CLSTN3: variants seen among roughly 807,000 people sequenced by gnomAD.
CLSTN3 encodes the protein calsyntenin-3.
CLSTN3 carries 36 observed loss-of-function variants against 95.9 expected under a neutral mutation model. The observed-to-expected ratio is 0.38, with a 90% CI of 0.29 to 0.50. CLSTN3 has a LOEUF of 0.50. Among genes scored for constraint, CLSTN3 ranks in the 20% least tolerant of loss-of-function variants. The pLI is 0.95. For missense variants in CLSTN3, 1,084 were observed against 1,268.8 expected (o/e 0.85, Z 2.21); for synonymous variants, 481 against 504.0 (o/e 0.95, Z 0.61).
chr12:7,151,015 C>T lies in CLSTN3; in HGVS notation c.2479C>T (p.Pro827Ser). Residue 827 changes from proline to serine, a missense_variant, in exon 16 of 18, where the codon CCG (proline) becomes TCG (serine). Transcript: ENST00000266546. ...GTTCCTGCACCGTGGTCACCAGCCC[C>T]CGCCTGAGATGGCTGGACACAGCCT... ...QQFLHRGHQP[P>S]PEMAGHSLAS... The T allele has an allele frequency of 4.3e-6, 7 of 1,612,544 alleles. No individual in the cohort carries two copies. The highest frequency in any genetic ancestry group is 5.1e-6 in the Non-Finnish European group (6 of 1,179,136).
In CLSTN3 at chr12:7,157,474, G is replaced by T; in HGVS notation, c.2528-15G>T. 6.4e-7 allele frequency: 1 copy of T among 1,552,768 alleles called. No homozygotes were observed. The highest frequency in any genetic ancestry group is 8.7e-7 in the Non-Finnish European group (1 of 1,147,560). ...GCCTAGTCACGCTCTGCTCACCCCC[G>T]CGCTCTCTCTGCAGTGATACCCAGC... is the stretch of plus-strand genomic sequence containing the variant. On this transcript the variant is annotated splice_polypyrimidine_tract_variant and intron_variant, in intron 16 of 17. Coordinates refer to ENST00000266546, the MANE Select transcript of CLSTN3 (RefSeq NM_014718.4). The surrounding 1 kb of genome is among the most constrained non-coding windows in gnomAD (Gnocchi z 5.9).
In CLSTN3 at chr12:7,157,586, C is replaced by T. The variant is rs373053714; in HGVS notation, c.2625C>T (p.Arg875=). The change falls in exon 17 of 18, where the codon CGC becomes CGT. Residue 875 remains arginine (R), a synonymous_variant. Coordinates refer to ENST00000266546, the MANE Select transcript of CLSTN3 (RefSeq NM_014718.4). The surrounding 1 kb of genome is among the most constrained non-coding windows in gnomAD (Gnocchi z 5.9). ...TGGTGCGCATCCATTCCCTTCACCGCCGCGTCTCAGGGGCCGGCGGGCCTC... is the reference window on the plus strand; with the variant it reads ...TGGTGCGCATCCATTCCCTTCACCGTCGCGTCTCAGGGGCCGGCGGGCCTC... ...LGLVRIHSLH[R]RVSGAGGPPG... 9.9e-5 allele frequency: 159 copies of T among 1,613,660 alleles called. No homozygotes were observed. The Middle Eastern group carries it at 3.0e-3, about 30-fold the overall frequency.
chr12:7,142,076 T>C lies in CLSTN3; in HGVS notation c.1487-10T>C, dbSNP rs751161448. The C allele has an allele frequency of 1.5e-5, 23 of 1,566,294 alleles. No homozygotes were observed. The highest frequency in any genetic ancestry group is 1.9e-5 in the Non-Finnish European group (22 of 1,154,700). ...CACCAGCACTGTTTTTTTTTTTTTT[T>C]TATCCCCAGAGGAGAAGAACAAAGA... On this transcript the variant is annotated splice_polypyrimidine_tract_variant and intron_variant, in intron 9 of 17. Transcript: ENST00000266546.
At chr12:7,148,177 AAAG>A (rs943981949) in intron 12 of CLSTN3, among the ~76,000 whole-genome samples, 2 of 113,760 alleles carry the variant, frequency 1.8e-5, no homozygotes. Context: ...AGAAAGAAAG[AAAG>A]AAAGAAAGAA....
At chr12:7,132,674 G>A in intron 1 of CLSTN3, 1 of 561,524 alleles carries the variant, frequency 1.8e-6, no homozygotes, top group Middle Eastern at 4.8e-4. Context: ...GCTCCCTGAA[G>A]TTCCCTGTCT....
chr12:7,142,255 G>C (rs911990683), intron 10 of CLSTN3, 116 bp downstream of exon 10: 17 of 824,062 alleles, frequency 2.1e-5, no homozygotes, highest in Non-Finnish European at 3.3e-5. Flanking sequence ...GGCCACCAGG[G>C]GGCAGAGCCT....
Position 7,130,655 on chromosome 12 carries a change from C to A in CLSTN3, c.7C>A (p.Leu3Ile). Residue 3 changes from leucine to isoleucine, a missense_variant, in exon 1 of 18, where the codon CTC (leucine) becomes ATC (isoleucine). Transcript: ENST00000266546. MTLLLLPLLLASL... is the reference protein window; with the variant it reads MTILLLPLLLASL... The stretch of plus-strand genomic sequence containing the variant: ...CCCTGCCCCACGCCGCACCATGACC[C>A]TCCTGCTGCTGCCCCTTCTGCTGGC... 1 of 1,570,560 alleles carries A rather than the reference C, an allele frequency of 6.4e-7. No homozygotes were observed. The highest frequency in any genetic ancestry group is 2.3e-5 in the East Asian group (1 of 43,132).
Position 7,137,031 on chromosome 12 carries a change from C to G in CLSTN3, c.1131C>G (p.Ser377=). 2 of 1,614,204 alleles carry G rather than the reference C, an allele frequency of 1.2e-6. No individual in the cohort carries two copies. Among genetic ancestry groups the G allele is most frequent in the Non-Finnish European group, 1.7e-6 (2 of 1,180,022 alleles). The change falls in exon 7 of 18, where the codon TCC becomes TCG. Residue 377 remains serine, a synonymous_variant. Transcript: ENST00000266546. The surrounding 1 kb of genome is among the most constrained non-coding windows in gnomAD (Gnocchi z 4.4). ...GCCTCAGTGACCACTTCACCCTGTC[C>G]TTCTGGATGAAGCATGGCGTAACTC... ...QDSLSDHFTL[S]FWMKHGVTPN...
chr12:7,142,766 C>A, intron 10 of CLSTN3, 103 bp from the exon 11 acceptor site: 15 of 519,964 alleles, frequency 2.9e-5, no homozygotes, highest in East Asian at 7.9e-5. Flanking sequence ...TTTTCTTTCT[C>A]AACTCTTCTG....
chr12:7,139,652 TATTA>T (rs1939492802), intron 8 of CLSTN3, among the ~76,000 whole-genome samples: 2 of 68,586 alleles, frequency 2.9e-5, no homozygotes, highest in East Asian at 2.7e-4. Flanking sequence ...TTATTATTAT[TATTA>T]TTTTTTTTTT....
intron 1 of CLSTN3, 65 bp downstream of exon 1, chr12:7,130,777 T>A: frequency 8.8e-7 from 1 of 1,140,158 alleles, no homozygotes; most frequent in African/African-American, 1.6e-5. Flanking sequence ...GGGGTGGGGG[T>A]GGGAAGGAGG....
At position 7,149,704 on chromosome 12, in the gene CLSTN3, C is replaced by T. The variant is rs770768584; in HGVS notation, c.2245+11C>T. The T allele has an allele frequency of 6.2e-7, 1 of 1,609,462 alleles. No homozygotes were observed. On this transcript the variant is annotated intron_variant, in intron 14 of 17. Coordinates refer to ENST00000266546, the MANE Select transcript of CLSTN3 (RefSeq NM_014718.4). This position sits in a 1 kb window ranked among gnomAD's most constrained non-coding sequence, Gnocchi z 4.5. Reference sequence around the variant, plus strand: ...ACCTCACTATTGCTGGTCAGTGGGGCCTGAGGGCCTGTCCTCTGTGTGTGT... The same window carrying T: ...ACCTCACTATTGCTGGTCAGTGGGGTCTGAGGGCCTGTCCTCTGTGTGTGT...
intron 16 of CLSTN3, among the ~76,000 whole-genome samples, chr12:7,154,225 G>A (rs1461678371): frequency 2.0e-5 from 3 of 152,186 alleles, no homozygotes; most frequent in Admixed American, 2.0e-4. Flanking sequence ...CTCGAGTGGT[G>A]TTGCAGAACT....
intron 16 of CLSTN3, chr12:7,155,900 G>T (rs776122082): frequency 2.4e-4 from 62 of 254,374 alleles, no homozygotes; most frequent in African/African-American, 1.3e-3. Flanking sequence ...CCTGGAGTGC[G>T]TGGCAGCTGA....
intron 16 of CLSTN3, among the ~76,000 whole-genome samples, chr12:7,155,559 G>A (rs1939801032): frequency 6.6e-6 from 1 of 152,248 alleles, no homozygotes; most frequent in South Asian, 2.1e-4. Context: ...GGGCCCATCT[G>A]CCAGTGAAGG....
chr12:7,144,132 C>A (rs1939582653), intron 12 of CLSTN3, among the ~76,000 whole-genome samples: 1 of 148,702 alleles, frequency 6.7e-6, no homozygotes, highest in Non-Finnish European at 1.5e-5. Context: ...GAGGCTGAGA[C>A]AGGAGAATTG....
rs1433022143 is a variant in CLSTN3, at chr12:7,158,654, A to T, written c.*573A>T. ...GTCCTGTTTCCCTTCCTGCCCTTGCAGTCCTGAGGTCCTGCAGCCCCGGCC... is the reference window on the plus strand; with the variant it reads ...GTCCTGTTTCCCTTCCTGCCCTTGCTGTCCTGAGGTCCTGCAGCCCCGGCC... On this transcript the variant is annotated 3_prime_UTR_variant, in exon 18 of 18. Coordinates refer to ENST00000266546, the MANE Select transcript of CLSTN3 (RefSeq NM_014718.4). 1 of 151,682 alleles carries T rather than the reference A, an allele frequency of 6.6e-6. No individual in the cohort carries two copies. The highest frequency in any genetic ancestry group is 1.5e-5 in the Non-Finnish European group (1 of 68,018). The allele number at this position is 151,682 out of a possible 1,614,324, so 9.4% of individuals were successfully genotyped here.
Position 7,150,829 on chromosome 12 carries a change from G to A in CLSTN3, c.2392-99G>A. 6.5e-7 allele frequency: 1 copy of A among 1,546,304 alleles called. No homozygotes were observed. Among genetic ancestry groups the A allele is most frequent in the Non-Finnish European group, 8.8e-7 (1 of 1,138,336 alleles). On this transcript the variant is annotated intron_variant, in intron 15 of 17. Transcript: ENST00000266546. The surrounding 1 kb of genome is among the most constrained non-coding windows in gnomAD (Gnocchi z 4.0). Reference sequence around the variant, plus strand: ...GGACCTTGCAGTGGGTGGAGGAGAAGGAGATGGGGGCAGTAGTTAGGAGAT... The same window carrying A: ...GGACCTTGCAGTGGGTGGAGGAGAAAGAGATGGGGGCAGTAGTTAGGAGAT...
intron 8 of CLSTN3, 122 bp downstream of exon 8, chr12:7,138,189 C>G: frequency 1.6e-6 from 1 of 637,006 alleles, no homozygotes; most frequent in Non-Finnish European, 2.8e-6. Flanking sequence ...TGCTTCTTCA[C>G]TTTCAGCCCC....
Sources: allele counts gnomAD v4.1 joint callset (sites outside exome capture counted in the v4.1 genomes callset), GRCh38; gene constraint gnomAD v4.1.1; non-coding constraint Gnocchi (gnomAD v3.1); transcripts MANE v1.5; gene names NCBI Gene and HGNC (gene_info 2026-07-23, HGNC 2026-07-21).